Variants in ADAMTS3 observed in about 807,000 individuals in gnomAD.
ADAMTS3 encodes ADAM metallopeptidase with thrombospondin type 1 motif 3, also known as A disintegrin and metalloproteinase with thrombospondin motifs 3.
ADAMTS3 carries 73 observed loss-of-function variants against 129.0 expected under a neutral mutation model. The observed-to-expected ratio is 0.57, with a 90% CI of 0.47 to 0.69. ADAMTS3 has a LOEUF of 0.69. Among genes scored for constraint, ADAMTS3 ranks in the 30% least tolerant of loss-of-function variants. The pLI, the probability that ADAMTS3 is intolerant of heterozygous loss-of-function variation, is 0.00. For missense variants in ADAMTS3, 1,457 were observed against 1,514.5 expected (o/e 0.96, Z 0.63); for synonymous variants, 477 against 510.8 (o/e 0.93, Z 0.89).
At chr4:72,416,058 G>A (rs2109927725) in intron 3 of ADAMTS3, among the ~76,000 whole-genome samples, 1 of 150,472 alleles carries the variant, frequency 6.6e-6, no homozygotes, top group East Asian at 1.9e-4. Context: ...AGACAAGGGA[G>A]GAGTTTCTTA....
At chr4:72,549,294 T>C (rs1721550805) in intron 2 of ADAMTS3, among the ~76,000 whole-genome samples, 1 of 152,162 alleles carries the variant, frequency 6.6e-6, no homozygotes, top group South Asian at 2.1e-4. Context: ...ATTCTGATTG[T>C]TTTCATTTTT....
chr4:72,463,716 A>G (rs1718840781), intron 3 of ADAMTS3, among the ~76,000 whole-genome samples: 1 of 128,758 alleles, frequency 7.8e-6, no homozygotes, highest in African/African-American at 2.8e-5. Flanking sequence ...AAAAAAAAAA[A>G]GCATTTGGTA....
At chr4:72,521,714 T>C (rs931699861) in intron 3 of ADAMTS3, among the ~76,000 whole-genome samples, 2 of 152,280 alleles carry the variant, frequency 1.3e-5, no homozygotes, top group Admixed American at 6.5e-5. Context: ...TGTTAAATTC[T>C]GTCTTTGTCA....
intron 2 of ADAMTS3, among the ~76,000 whole-genome samples, chr4:72,558,515 T>TTTGA (rs1721822287): frequency 6.6e-6 from 1 of 151,834 alleles, no homozygotes; most frequent in African/African-American, 2.4e-5. Flanking sequence ...TTTAAGGTCA[T>TTTGA]TTGATTGTCA....
chr4:72,513,785 C>A (rs190346425), intron 3 of ADAMTS3, among the ~76,000 whole-genome samples: 133 of 152,198 alleles, frequency 8.7e-4, no homozygotes, highest in African/African-American at 2.9e-3. Flanking sequence ...GTACCCATCA[C>A]CCACATAGAG....
At chr4:72,453,920 G>A (rs186448077) in intron 3 of ADAMTS3, among the ~76,000 whole-genome samples, 7 of 148,376 alleles carry the variant, frequency 4.7e-5, no homozygotes, top group Admixed American at 3.4e-4. Flanking sequence ...ATATATATAT[G>A]TATACATAGG....
intron 3 of ADAMTS3, among the ~76,000 whole-genome samples, chr4:72,415,938 C>A (rs1722293339): frequency 6.6e-6 from 1 of 151,510 alleles, no homozygotes; most frequent in Non-Finnish European, 1.5e-5. Flanking sequence ...AGTGTGGAAA[C>A]TGTACTTATT....
Position 72,383,274 on chromosome 4 carries a change from A to G in ADAMTS3, c.661+31541T>C, listed in dbSNP as rs80135983. On this transcript the variant is annotated intron_variant, in intron 4 of 21. Transcript: ENST00000286657. The stretch of plus-strand genomic sequence containing the variant: ...GAAAAAAAAGCAGCTTTCTGAAGTC[A>G]TTGGAGAATGAACAAATGCAGGGAG... 7.9e-3 allele frequency among the ~76,000 whole-genome samples: 1,200 copies of G among 152,304 alleles called. 20 individuals carry two copies. Among genetic ancestry groups the G allele is most frequent in the African/African-American group, 0.028 (1,160 of 41,574 alleles).
At chr4:72,292,689 C>A (rs1245017018) in intron 19 of ADAMTS3, among the ~76,000 whole-genome samples, 2 of 152,202 alleles carry the variant, frequency 1.3e-5, no homozygotes, top group Non-Finnish European at 2.9e-5. Flanking sequence ...TGCAAGCTGT[C>A]TGTATGTAAT....
At chr4:72,460,342 AT>A (rs1320557067) in intron 3 of ADAMTS3, among the ~76,000 whole-genome samples, 1 of 151,584 alleles carries the variant, frequency 6.6e-6, no homozygotes, top group African/African-American at 2.4e-5. Flanking sequence ...TATTTTAACC[AT>A]TTGAAAGCAA....
chr4:72,460,203 C>T (rs1242290842), intron 3 of ADAMTS3, among the ~76,000 whole-genome samples: 1 of 151,500 alleles, frequency 6.6e-6, no homozygotes, highest in Non-Finnish European at 1.5e-5. Flanking sequence ...TCTAAATAAG[C>T]ACAAAATTAT....
intron 3 of ADAMTS3, among the ~76,000 whole-genome samples, chr4:72,450,131 T>G (rs1718356489): frequency 6.6e-6 from 1 of 151,670 alleles, no homozygotes. Context: ...AATATGACAC[T>G]AATAATCTTG....
At chr4:72,512,846 C>A (rs1411975016) in intron 3 of ADAMTS3, among the ~76,000 whole-genome samples, 2 of 152,148 alleles carry the variant, frequency 1.3e-5, no homozygotes, top group Non-Finnish European at 2.9e-5. Flanking sequence ...TTGGCTCAGC[C>A]ACTTCTTTTT....
chr4:72,291,783 G>T (rs559950441), intron 19 of ADAMTS3, among the ~76,000 whole-genome samples: 1 of 152,180 alleles, frequency 6.6e-6, no homozygotes, highest in African/African-American at 2.4e-5. Context: ...GGATGGCTGG[G>T]TCAAATGGTA....
chr4:72,492,533 T>C (rs940902352), intron 3 of ADAMTS3, among the ~76,000 whole-genome samples: 6 of 151,878 alleles, frequency 4.0e-5, no homozygotes, highest in African/African-American at 1.4e-4. Context: ...TTCTTGCTGT[T>C]ACTAATTTCA....
At chr4:72,415,925 C>A (rs1297889891) in intron 3 of ADAMTS3, among the ~76,000 whole-genome samples, 1 of 151,446 alleles carries the variant, frequency 6.6e-6, no homozygotes. Flanking sequence ...CAAATAATGT[C>A]TTAGTGTGGA....
chr4:72,329,642 T>C (rs1286411830), intron 5 of ADAMTS3, among the ~76,000 whole-genome samples: 1 of 152,128 alleles, frequency 6.6e-6, no homozygotes, highest in Non-Finnish European at 1.5e-5. Context: ...ATGGAAGCCC[T>C]GAGTCTCTAG....
intron 4 of ADAMTS3, among the ~76,000 whole-genome samples, chr4:72,340,161 C>G (rs985047371): frequency 1.3e-5 from 2 of 152,050 alleles, no homozygotes; most frequent in African/African-American, 4.8e-5. Context: ...TTCCAGTAAC[C>G]TTAATTTAAA....
At chr4:72,510,648 G>A (rs1157045495) in intron 3 of ADAMTS3, among the ~76,000 whole-genome samples, 1 of 151,712 alleles carries the variant, frequency 6.6e-6, no homozygotes, top group Non-Finnish European at 1.5e-5. Context: ...CATGTTCATG[G>A]ATTTGAAGAA....
Sources: allele counts gnomAD v4.1 joint callset (sites outside exome capture counted in the v4.1 genomes callset), GRCh38; gene constraint gnomAD v4.1.1; transcripts MANE v1.5; gene names NCBI Gene and HGNC (gene_info 2026-07-23, HGNC 2026-07-21).